The following DGKE variants were observed in gnomAD, a reference collection of about 807,000 sequenced individuals.
The protein encoded by DGKE is DAG kinase epsilon.
A neutral mutation model predicts 70.0 loss-of-function variants in DGKE; 53 were observed. The ratio of observed to expected loss-of-function variants is 0.76; its 90% confidence interval spans 0.61 to 0.95. The LOEUF is 0.95. Ranked by LOEUF, DGKE falls within the 40% of genes least tolerant of loss-of-function variation. The pLI, the probability that DGKE is intolerant of heterozygous loss-of-function variation, is 0.00. For synonymous variants in DGKE, 291 were observed against 257.0 expected, an observed-to-expected ratio of 1.13 and a Z score of -1.27; for missense variants, 655 against 706.9, an observed-to-expected ratio of 0.93 and a Z score of 0.83.
intron 4 of DGKE, 77 bp from the exon 5 acceptor site, chr17:56,847,845 C>T: frequency 9.1e-7 from 1 of 1,095,544 alleles, no homozygotes; most frequent in Non-Finnish European, 1.3e-6. Context: ...TATCTCTACT[C>T]ATCTAGAGGG....
chr17:56,858,577 C>G lies in DGKE; in HGVS notation c.1213-17C>G. The G allele has an allele frequency of 6.3e-7, 1 of 1,579,854 alleles. No homozygotes were observed. Among genetic ancestry groups the G allele is most frequent in the Non-Finnish European group, 8.6e-7 (1 of 1,161,364 alleles). On this transcript the variant is annotated splice_polypyrimidine_tract_variant and intron_variant, in intron 8 of 11. Transcript: ENST00000284061. The stretch of plus-strand genomic sequence containing the variant: ...TTAGATTGTTTTAATATTATATTTT[C>G]TGTCCATTTTTCATAGGCGGTTTAC...
At chr17:56,848,114 C>CTATATATA in intron 5 of DGKE, 49 bp downstream of exon 5, 1 of 876,254 alleles carries the variant, frequency 1.1e-6, no homozygotes, top group East Asian at 4.9e-5. Context: ...GATAAATATA[C>CTATATATA]TATACATATA....
At chr17:56,862,408 A>G in intron 11 of DGKE, 157 bp downstream of exon 11, 1 of 895,242 alleles carries the variant, frequency 1.1e-6, no homozygotes, top group Non-Finnish European at 1.7e-6. Context: ...TGAGGAAGAA[A>G]CAGAAACATG....
chr17:56,866,502 G>A lies in DGKE; in HGVS notation c.*3711G>A, dbSNP rs9892183. On this transcript the variant is annotated 3_prime_UTR_variant, in exon 12 of 12. Coordinates refer to ENST00000284061, the MANE Select transcript of DGKE (RefSeq NM_003647.3). Reference sequence around the variant, plus strand: ...CTTAAAATTGTTTTTCTTCTACTCCGCTGTCCTCTTCCCTCAAAATCACTT... The same window carrying A: ...CTTAAAATTGTTTTTCTTCTACTCCACTGTCCTCTTCCCTCAAAATCACTT... The A allele has an allele frequency of 0.87, 132,327 of 152,284 alleles. 57,650 individuals are homozygous for A. The highest frequency in any genetic ancestry group is 0.93 in the East Asian group (4,816 of 5,194). The allele number at this position is 152,284 out of a possible 1,614,324, so 9.4% of individuals were successfully genotyped here.
rs1269469156 is a variant in DGKE at position 56,850,866 on chromosome 17, A to C, written c.1098+1634A>C. On this transcript the variant is annotated intron_variant, in intron 7 of 11. Coordinates refer to ENST00000284061, the MANE Select transcript of DGKE (RefSeq NM_003647.3). ...GGCTTAGGAATTCTATGCTTACCTCACAAGCTAGACTATAAATGTGTTATG... is the reference window on the plus strand; with the variant it reads ...GGCTTAGGAATTCTATGCTTACCTCCCAAGCTAGACTATAAATGTGTTATG... 3.3e-5 allele frequency among the ~76,000 whole-genome samples: 5 copies of C among 152,328 alleles called. No individual in the cohort carries two copies. In the East Asian group the frequency reaches 9.6e-4, roughly 29 times the overall value.
At chr17:56,858,555 G>A in intron 8 of DGKE, 39 bp from the exon 9 acceptor site, 2 of 1,515,958 alleles carry the variant, frequency 1.3e-6, no homozygotes, top group Non-Finnish European at 9.0e-7. Flanking sequence ...TACAGGGTTA[G>A]ATTGTTTTAA....
Position 56,844,157 on chromosome 17 carries a change from C to T in DGKE, c.603C>T (p.Asp201=). 1 of 1,528,512 alleles carries T rather than the reference C, an allele frequency of 6.5e-7. No individual in the cohort carries two copies. Among genetic ancestry groups the T allele is most frequent in the East Asian group, 2.4e-5 (1 of 41,174 alleles). 94.7% of individuals were successfully genotyped at this position (1,528,512 alleles called of 1,614,324 possible). A position where few individuals can be genotyped will look rare whatever the true frequency, so the allele number is the denominator to read the frequency against. ...YLTSINQMRK[D]KKTDYEVLAS... ...CATCCATTAATCAGATGCGTAAAGA[C>T]AAAAAAACAGATTATGAAGTGGTAA... Residue 201 remains aspartate, a synonymous_variant, in exon 3 of 12, where the codon GAC becomes GAT. Coordinates refer to ENST00000284061, the MANE Select transcript of DGKE (RefSeq NM_003647.3).
At position 56,863,588 on chromosome 17, in the gene DGKE, T is replaced by C. The variant is rs1431991722; in HGVS notation, c.*797T>C. On this transcript the variant is annotated 3_prime_UTR_variant, in exon 12 of 12. Transcript: ENST00000284061. The stretch of plus-strand genomic sequence containing the variant: ...AGCCGCTCTTTTTATTAAAAGACAG[T>C]GTCAACACTTCAAAAAACGTGCTTA... 1.3e-5 allele frequency: 2 copies of C among 152,216 alleles called. No homozygotes were observed. 9.4% of individuals were successfully genotyped at this position (152,216 alleles called of 1,614,324 possible). A position where few individuals can be genotyped will look rare whatever the true frequency, so the allele number is the denominator to read the frequency against.
chr17:56,846,600 T>C (rs532521085), intron 4 of DGKE, among the ~76,000 whole-genome samples: 3 of 152,186 alleles, frequency 2.0e-5, no homozygotes, highest in East Asian at 3.9e-4. Flanking sequence ...TCGTTAAAAT[T>C]GAATATAATT....
chr17:56,842,540 G>C (rs1907052918), intron 2 of DGKE, among the ~76,000 whole-genome samples: 1 of 152,146 alleles, frequency 6.6e-6, no homozygotes, highest in Non-Finnish European at 1.5e-5. Flanking sequence ...CTCAAGTTGA[G>C]TTTAAAATTA....
chr17:56,857,795 C>T (rs762802614), intron 8 of DGKE, among the ~76,000 whole-genome samples: 19 of 152,066 alleles, frequency 1.2e-4, no homozygotes, highest in Non-Finnish European at 2.5e-4. Flanking sequence ...CACTTCTAGG[C>T]CGCGCATGGT....
In DGKE at chr17:56,861,182, C is replaced by T. The variant is rs867525056; in HGVS notation, c.1285-609C>T. On this transcript the variant is annotated intron_variant, in intron 9 of 11. Transcript: ENST00000284061. ...AAGTCAAAGAAATCAAAGATAACTG[C>T]CAGGTTTCTGGCTTAAACACCTGGG... Among the ~76,000 whole-genome samples the T allele has an allele frequency of 1.8e-4, 27 of 152,094 alleles. No individual in the cohort carries two copies. The Middle Eastern group carries it at 0.02, about 115-fold the overall frequency.
chr17:56,862,546 A>G (rs766765124), intron 11 of DGKE, 66 bp from the exon 12 acceptor site: 69 of 1,373,834 alleles, frequency 5.0e-5, no homozygotes, highest in Non-Finnish European at 6.2e-5. Context: ...GGATGGTATT[A>G]TTAAGGAAGA....
intron 2 of DGKE, among the ~76,000 whole-genome samples, chr17:56,840,700 G>A (rs374813103): frequency 4.6e-5 from 7 of 152,244 alleles, no homozygotes; most frequent in Admixed American, 2.6e-4. Flanking sequence ...GGAAAAGCCC[G>A]ACACTTCCAT....
chr17:56,860,004 C>T (rs1051869361), intron 9 of DGKE, among the ~76,000 whole-genome samples: 3 of 152,100 alleles, frequency 2.0e-5, no homozygotes, highest in African/African-American at 7.2e-5. Context: ...TGTTATGTTA[C>T]TTTATCATAT....
Position 56,862,657 on chromosome 17 carries a change from C to G in DGKE, c.1570C>G (p.Pro524Ala), listed in dbSNP as rs1355850625. 6.3e-7 allele frequency: 1 copy of G among 1,590,326 alleles called. No homozygotes were observed. Among genetic ancestry groups the G allele is most frequent in the East Asian group, 2.2e-5 (1 of 44,516 alleles). ...GATGCCAATGCAGGTGGATGGGGAG[C>G]CTTGGGCCCAAGGGCCCTGCACTGT... ...SMMPMQVDGE[P>A]WAQGPCTVTI... The change falls in exon 12 of 12, where the codon CCT becomes GCT. Residue 524 changes from proline (P) to alanine (A), a missense_variant. Coordinates refer to ENST00000284061, the MANE Select transcript of DGKE (RefSeq NM_003647.3).
intron 6 of DGKE, 68 bp from the exon 7 acceptor site, chr17:56,849,113 T>G: frequency 6.8e-7 from 1 of 1,469,808 alleles, no homozygotes; most frequent in Admixed American, 2.1e-5. Context: ...AAACCCTCAT[T>G]TATCCAAACA....
intron 7 of DGKE, among the ~76,000 whole-genome samples, chr17:56,852,194 C>T (rs184600033): frequency 2.0e-5 from 3 of 152,262 alleles, no homozygotes; most frequent in Admixed American, 2.0e-4. Flanking sequence ...AGGTGGATCA[C>T]CTGAGGTCAG....
Position 56,849,173 on chromosome 17 carries a change from T to G in DGKE, c.1047-8T>G. The G allele has an allele frequency of 6.2e-7, 1 of 1,608,510 alleles. No homozygotes were observed. Among genetic ancestry groups the G allele is most frequent in the Non-Finnish European group, 8.5e-7 (1 of 1,177,774 alleles). On this transcript the variant is annotated splice_polypyrimidine_tract_variant and splice_region_variant and intron_variant, in intron 6 of 11. Transcript: ENST00000284061. ...AACGTGCTGTTTTTTTTAACTTCTG[T>G]TTTTTAGATGGAAAGTTCAAGTAAC... is the stretch of plus-strand genomic sequence containing the variant.
Sources: allele counts gnomAD v4.1 joint callset (sites outside exome capture counted in the v4.1 genomes callset), GRCh38; gene constraint gnomAD v4.1.1; transcripts MANE v1.5; gene names NCBI Gene and HGNC (gene_info 2026-07-23, HGNC 2026-07-21).